NAGK: variants seen among roughly 807,000 people sequenced by gnomAD.
The protein encoded by NAGK is N-acetylglucosamine kinase, also known as N-acetyl-D-glucosamine kinase.
Under a neutral mutation model 42.9 loss-of-function variants are expected in NAGK, and 35 were observed. The observed-to-expected ratio is 0.82, with a 90% CI of 0.62 to 1.08. The LOEUF (loss-of-function observed/expected upper bound fraction) is 1.08, where lower values mean the gene tolerates loss of function less well. Ranked by LOEUF, NAGK falls within the 50% of genes least tolerant of loss-of-function variation. The pLI, the probability that NAGK is intolerant of heterozygous loss-of-function variation, is 0.00. For synonymous variants in NAGK, 172 were observed against 176.0 expected (o/e 0.98, Z 0.18); for missense variants, 446 against 446.0 (o/e 1.00, Z 0.00).
chr2:71,070,819 C>T lies in NAGK; in HGVS notation c.193C>T (p.Leu65=), dbSNP rs1479137186. Reference sequence around the variant, plus strand: ...CAAACGGAAAGCAGGGGTGGATCCTCTGGTACCGCTGCGAAGCTTGGTGAG... The same window carrying T: ...CAAACGGAAAGCAGGGGTGGATCCTTTGGTACCGCTGCGAAGCTTGGTGAG... ...RAKRKAGVDP[L]VPLRSLGLSL... The change falls in exon 3 of 10, where the codon CTG becomes TTG. Residue 65 remains leucine (L), a synonymous_variant. Transcript: ENST00000244204. 1 of 1,614,174 alleles carries T rather than the reference C, an allele frequency of 6.2e-7. No homozygotes were observed. Among genetic ancestry groups the T allele is most frequent in the Admixed American group, 1.7e-5 (1 of 60,026 alleles).
In NAGK at chr2:71,076,674, C is replaced by T. The variant is rs766162645; in HGVS notation, c.738C>T (p.Ile246=). The T allele has an allele frequency of 4.3e-6, 7 of 1,613,890 alleles. No individual in the cohort carries two copies. Among genetic ancestry groups the T allele is most frequent in the South Asian group, 3.3e-5 (3 of 91,062 alleles). Residue 246 remains isoleucine, a synonymous_variant, in exon 8 of 10, where the codon ATC becomes ATT. Coordinates refer to ENST00000244204, the MANE Select transcript of NAGK (RefSeq NM_017567.6). ...CTGGGGAGATGCTGGGCAGACACAT[C>T]GTAGCAGTGTTGCCCGAGATTGACC... ...RKAGEMLGRH[I]VAVLPEIDPV... is the part of the protein sequence containing the mutation.
At chr2:71,077,411 T>G (rs1672252167) in intron 8 of NAGK, 147 bp from the exon 9 acceptor site, 1 of 719,400 alleles carries the variant, frequency 1.4e-6, no homozygotes, top group Admixed American at 2.7e-5. Flanking sequence ...TTCCTCCCTT[T>G]TTTTTTCCCC....
chr2:71,073,542 C>A lies in NAGK; in HGVS notation c.527C>A (p.Ala176Glu), dbSNP rs563278716. Residue 176 changes from alanine (A) to glutamate (E), a missense_variant, in exon 6 of 10, where the codon GCG becomes GAG. Physicochemically the swap from Ala to Glu is moderately radical, Grantham distance 107. Transcript: ENST00000244204. ...IVFDSIDNLE[A>E]APHDIGYVKQ... The stretch of plus-strand genomic sequence containing the variant: ...TTTGACTCCATTGACAACCTAGAGG[C>A]GGCTCCTCATGATATCGGCTACGTC... 1.2e-6 allele frequency: 2 copies of A among 1,613,994 alleles called. No homozygotes were observed. The highest frequency in any genetic ancestry group is 3.3e-5 in the Admixed American group (2 of 60,002).
Position 71,076,707 on chromosome 2 carries a change from T to C in NAGK, c.765+6T>C. The C allele has an allele frequency of 6.2e-7, 1 of 1,611,752 alleles. No homozygotes were observed. Among genetic ancestry groups the C allele is most frequent in the Non-Finnish European group, 8.5e-7 (1 of 1,178,344 alleles). ...TGTTGCCCGAGATTGACCCGGTGAG[T>C]TGAGGTGGGAGTGAAGGTGGGGAGC... is the stretch of plus-strand genomic sequence containing the variant. On this transcript the variant is annotated splice_donor_region_variant and intron_variant, in intron 8 of 9. Transcript: ENST00000244204.
intron 5 of NAGK, chr2:71,073,254 C>A (rs1672086526): frequency 5.1e-6 from 3 of 582,670 alleles, no homozygotes; most frequent in Non-Finnish European, 9.2e-6. Context: ...ACAGCCTCAC[C>A]TATTCTGTTT....
At chr2:71,072,577 A>C in intron 4 of NAGK, 64 bp from the exon 5 acceptor site, 1 of 1,370,846 alleles carries the variant, frequency 7.3e-7, no homozygotes, top group South Asian at 1.2e-5. Flanking sequence ...GTCTTTCCAC[A>C]GTGGCAAGCT....
chr2:71,075,529 C>G (rs749779776), intron 6 of NAGK, 26 bp from the exon 7 acceptor site: 1 of 1,573,102 alleles, frequency 6.4e-7, no homozygotes, highest in Non-Finnish European at 8.7e-7. Context: ...CTTCTGATGA[C>G]TCTCTTGTGC....
intron 5 of NAGK, chr2:71,072,985 T>TCA: frequency 1.7e-6 from 1 of 579,030 alleles, no homozygotes. Flanking sequence ...GATTCATCCC[T>TCA]CAGCACAGGG....
intron 6 of NAGK, among the ~76,000 whole-genome samples, chr2:71,073,830 A>G (rs1672117425): frequency 6.6e-6 from 1 of 152,144 alleles, no homozygotes; most frequent in Non-Finnish European, 1.5e-5. Context: ...TGGTTTGGGG[A>G]CAGGTGATTA....
Position 71,075,421 on chromosome 2 carries a change from C to A in NAGK, c.580-134C>A, listed in dbSNP as rs181051905. On this transcript the variant is annotated intron_variant, in intron 6 of 9. Coordinates refer to ENST00000244204, the MANE Select transcript of NAGK (RefSeq NM_017567.6). Reference sequence around the variant, plus strand: ...TTTTCTCAAATGAGAAATCTCAAATCCCTGTACTTTGGAGTTAAAAAAAAT... The same window carrying A: ...TTTTCTCAAATGAGAAATCTCAAATACCTGTACTTTGGAGTTAAAAAAAAT... 7.8e-6 allele frequency: 5 copies of A among 643,686 alleles called. No individual in the cohort carries two copies. In the Admixed American group the frequency reaches 1.4e-4, roughly 17 times the overall value. 39.9% of individuals were successfully genotyped at this position (643,686 alleles called of 1,614,324 possible). A position where few individuals can be genotyped will look rare whatever the true frequency, so the allele number is the denominator to read the frequency against.
chr2:71,076,969 T>C (rs572091961), intron 8 of NAGK, among the ~76,000 whole-genome samples: 1 of 152,090 alleles, frequency 6.6e-6, no homozygotes, highest in East Asian at 1.9e-4. Context: ...TCTATTTTAT[T>C]TTTTATTTTT....
chr2:71,078,028 T>G (rs1327116024), intron 9 of NAGK, among the ~76,000 whole-genome samples: 2 of 152,190 alleles, frequency 1.3e-5, no homozygotes, highest in Non-Finnish European at 2.9e-5. Context: ...TGCCAGGCAG[T>G]TGGATGGTTT....
chr2:71,075,654 G>C lies in NAGK; in HGVS notation c.667+12G>C, dbSNP rs747442760. On this transcript the variant is annotated intron_variant, in intron 7 of 9. Transcript: ENST00000244204. ...GAAAATTGCAGAAGGTACTGGAGGT[G>C]GGGGGTGGGTTTTATCTGGCTTTGT... 1.0e-5 allele frequency: 16 copies of C among 1,605,166 alleles called. No individual in the cohort carries two copies. The highest frequency in any genetic ancestry group is 1.7e-5 in the Admixed American group (1 of 59,982).
chr2:71,069,270 T>A (rs981445772), intron 1 of NAGK: 4 of 214,336 alleles, frequency 1.9e-5, no homozygotes, highest in African/African-American at 9.4e-5. Flanking sequence ...TTTACTGAAC[T>A]TTTTGTAATA....
At position 71,075,601 on chromosome 2, in the gene NAGK, A is replaced by T. The variant is rs751546790; in HGVS notation, c.626A>T (p.Asp209Val). ...GILTHLYRDF[D>V]KCRFAGFCRK... is the part of the protein sequence containing the mutation. Reference sequence around the variant, plus strand: ...CTCACTCACCTGTATAGGGACTTTGATAAATGCAGGTTTGCTGGGTTTTGC... The same window carrying T: ...CTCACTCACCTGTATAGGGACTTTGTTAAATGCAGGTTTGCTGGGTTTTGC... The change falls in exon 7 of 10, where the codon GAT (aspartate) becomes GTT (valine). Residue 209 changes from aspartate (D) to valine (V), a missense_variant. By Grantham distance (152) the Asp-to-Val change is radical. Coordinates refer to ENST00000244204, the MANE Select transcript of NAGK (RefSeq NM_017567.6). 5.6e-6 allele frequency: 9 copies of T among 1,614,010 alleles called. No individual in the cohort carries two copies. In the African/African-American group the frequency reaches 1.2e-4, roughly 22 times the overall value.
At chr2:71,077,960 G>GT (rs1464838609) in intron 9 of NAGK, among the ~76,000 whole-genome samples, 1 of 152,226 alleles carries the variant, frequency 6.6e-6, no homozygotes, top group African/African-American at 2.4e-5. Flanking sequence ...GACATCCCTA[G>GT]TCAACATAAT....
chr2:71,071,408 G>T, intron 3 of NAGK: 1 of 419,636 alleles, frequency 2.4e-6, no homozygotes. Context: ...ACCTTGCCCC[G>T]CTGCCTGATC....
At chr2:71,075,683 C>G (rs1672184171) in intron 7 of NAGK, 41 bp downstream of exon 7, 1 of 1,549,190 alleles carries the variant, frequency 6.5e-7, no homozygotes, top group Non-Finnish European at 8.9e-7. Flanking sequence ...GCTTTGTTCT[C>G]CAAAGATCCC....
chr2:71,074,024 CAG>C (rs1228198122), intron 6 of NAGK, among the ~76,000 whole-genome samples: 3 of 152,122 alleles, frequency 2.0e-5, no homozygotes, highest in African/African-American at 7.2e-5. Context: ...AAGAGGTGGA[CAG>C]GGAGAGTTCT....
Sources: gnomAD v4.1 joint callset for allele counts (sites outside exome capture counted in the v4.1 genomes callset) on GRCh38, gnomAD v4.1.1 for gene constraint, MANE v1.5 for transcripts, NCBI Gene and HGNC (gene_info 2026-07-23, HGNC 2026-07-21) for gene names.